Variants in FMO2 observed in about 807,000 individuals in gnomAD.
FMO2 encodes the protein flavin containing dimethylaniline monoxygenase 2, also known as flavin-containing monooxygenase 2.
A neutral mutation model predicts 41.6 loss-of-function variants in FMO2; 33 were observed. The ratio of observed to expected loss-of-function variants is 0.79; its 90% CI spans 0.60 to 1.06. The LOEUF (loss-of-function observed/expected upper bound fraction) is 1.06, where lower values mean the gene tolerates loss of function less well. Among genes scored for constraint, FMO2 ranks in the 50% least tolerant of loss-of-function variants. FMO2 has a pLI of 0.00. For synonymous variants in FMO2, 214 were observed against 219.6 expected, an observed-to-expected ratio of 0.97 and a Z score of 0.23; for missense variants, 619 against 632.9, an observed-to-expected ratio of 0.98 and a Z score of 0.23.
At chr1:171,207,589 C>T (rs1658813889) in intron 7 of FMO2, 129 bp from the exon 8 acceptor site, 1 of 695,402 alleles carries the variant, frequency 1.4e-6, no homozygotes, top group East Asian at 2.5e-5. Flanking sequence ...CCCTGAAGTT[C>T]AACAGCACGG....
chr1:171,204,719 A>C (rs954833574), intron 6 of FMO2, among the ~76,000 whole-genome samples: 4 of 152,172 alleles, frequency 2.6e-5, no homozygotes, highest in African/African-American at 9.7e-5. Context: ...TCTCAAATCT[A>C]CAAAAAAAAT....
Position 171,209,517 on chromosome 1 carries a change from G to C in FMO2, c.*372G>C, listed in dbSNP as rs188310906. 6.2e-6 allele frequency: 1 copy of C among 162,402 alleles called. No individual in the cohort carries two copies. Among genetic ancestry groups the C allele is most frequent in the Non-Finnish European group, 1.3e-5 (1 of 75,256 alleles). The allele number at this position is 162,402 out of a possible 1,614,324, so 10.1% of individuals were successfully genotyped here. A position where few individuals can be genotyped will look rare whatever the true frequency, so the allele number is the denominator to read the frequency against. The stretch of plus-strand genomic sequence containing the variant: ...AAATTATTGGACAATTTAAATTGTG[G>C]GTAAATATTTAAAACTCCTGAACAA... On this transcript the variant is annotated 3_prime_UTR_variant, in exon 9 of 9. Transcript: ENST00000209929.
At chr1:171,198,383 G>A (rs1372677056) in intron 4 of FMO2, among the ~76,000 whole-genome samples, 1 of 151,368 alleles carries the variant, frequency 6.6e-6, no homozygotes, top group Non-Finnish European at 1.5e-5. Flanking sequence ...ATGTGCTTAA[G>A]AAATATTTAA....
chr1:171,203,257 C>T (rs1028609639), intron 5 of FMO2, among the ~76,000 whole-genome samples: 1 of 150,968 alleles, frequency 6.6e-6, no homozygotes, highest in African/African-American at 2.4e-5. Flanking sequence ...CCTGGGAGGT[C>T]GAGACTGCAA....
chr1:171,204,103 T>C lies in FMO2; in HGVS notation c.827+39T>C, dbSNP rs7517460. On this transcript the variant is annotated intron_variant, in intron 6 of 8. Coordinates refer to ENST00000209929, the MANE Select transcript of FMO2 (RefSeq NM_001460.5). ...GCTTTTTTAATGGTATACTCGTTGG[T>C]GAGCAAAGTTGTCTGAAGGTGTCTC... 8.3e-3 allele frequency: 12,195 copies of C among 1,477,762 alleles called. 633 individuals are homozygous for C. The African/African-American group carries it at 0.12, about 15-fold the overall frequency. 91.5% of individuals were successfully genotyped at this position (1,477,762 alleles called of 1,614,324 possible). A position where few individuals can be genotyped will look rare whatever the true frequency, so the allele number is the denominator to read the frequency against.
chr1:171,186,580 C>T (rs1657858729), intron 2 of FMO2, among the ~76,000 whole-genome samples: 1 of 152,126 alleles, frequency 6.6e-6, no homozygotes, highest in South Asian at 2.1e-4. Flanking sequence ...CATTAGAACG[C>T]ACTCACTATC....
In FMO2 at chr1:171,208,962, G is replaced by C. The variant is rs1330076958; in HGVS notation, c.1425G>C (p.Leu475=). The change falls in exon 9 of 9, where the codon CTG becomes CTC. Residue 475 remains leucine (L), a synonymous_variant. Transcript: ENST00000209929. ...FGPCNSYQYR[L]VGPGQWEGAR... is the part of the protein sequence containing the mutation. ...CCTGCAACTCCTATCAGTATCGCCT[G>C]GTTGGGCCTGGGCAATGGGAAGGAG... 6.2e-7 allele frequency: 1 copy of C among 1,611,948 alleles called. No homozygotes were observed. Among genetic ancestry groups the C allele is most frequent in the Non-Finnish European group, 8.5e-7 (1 of 1,178,962 alleles).
At chr1:171,192,153 A>G (rs28369838) in intron 2 of FMO2, among the ~76,000 whole-genome samples, 59,217 of 152,036 alleles carry the variant, frequency 0.39, 12,192 homozygotes, top group East Asian at 0.55. Flanking sequence ...ATTACATTCA[A>G]TCATGCTGAA....
chr1:171,209,594 T>C lies in FMO2; in HGVS notation c.*449T>C, dbSNP rs1212616604. 6.6e-6 allele frequency: 1 copy of C among 152,666 alleles called. No individual in the cohort carries two copies. The highest frequency in any genetic ancestry group is 1.5e-5 in the Non-Finnish European group (1 of 68,420). 9.5% of individuals were successfully genotyped at this position (152,666 alleles called of 1,614,324 possible). Reference sequence around the variant, plus strand: ...TACTTGGTAACAAAGTTCTCAGATGTTAGGTCATGTTTCATTTGCTCAGTC... The same window carrying C: ...TACTTGGTAACAAAGTTCTCAGATGCTAGGTCATGTTTCATTTGCTCAGTC... On this transcript the variant is annotated 3_prime_UTR_variant, in exon 9 of 9. Transcript: ENST00000209929.
At chr1:171,207,643 T>C in intron 7 of FMO2, 75 bp from the exon 8 acceptor site, 1 of 1,056,044 alleles carries the variant, frequency 9.5e-7, no homozygotes, top group Non-Finnish European at 1.4e-6. Context: ...AGAGTTTAAT[T>C]TTAAGAATCA....
Position 171,211,933 on chromosome 1 carries a change from C to G in FMO2, c.*2788C>G, listed in dbSNP as rs16864199. The stretch of plus-strand genomic sequence containing the variant: ...TCCTGTGTACATTAAATCTAGAAAC[C>G]ATTAGTTTGAGATCTCTCAAAAATA... On this transcript the variant is annotated 3_prime_UTR_variant, in exon 9 of 9. Transcript: ENST00000209929. Among the ~76,000 whole-genome samples, 1 of 152,084 alleles carries G rather than the reference C, an allele frequency of 6.6e-6. No individual in the cohort carries two copies. Among genetic ancestry groups the G allele is most frequent in the Non-Finnish European group, 1.5e-5 (1 of 68,026 alleles).
At position 171,207,770 on chromosome 1, in the gene FMO2, G is replaced by C. The variant is rs776321387; in HGVS notation, c.1236G>C (p.Arg412Ser). Residue 412 changes from arginine to serine, a missense_variant, in exon 8 of 9, where the codon AGG (arginine) becomes AGC (serine). Physicochemically the swap from Arg to Ser is moderately radical, Grantham distance 110 (BLOSUM62 -1). Transcript: ENST00000209929. ...CTATGATGATGGACATTATCAAAAG[G>C]AATGAAAAAAGAATTGACCTGTAAG... is the stretch of plus-strand genomic sequence containing the variant. ...ERTMMMDIIK[R>S]NEKRIDLFGE... is the part of the protein sequence containing the mutation. The C allele has an allele frequency of 6.2e-7, 1 of 1,605,656 alleles. No homozygotes were observed.
rs1359930311 is a variant in FMO2 at position 171,211,711 on chromosome 1, A to T, written c.*2566A>T. ...TCAGTCTATCCTTCTGCCTCCATAT[A>T]TCCTGAACATCAAACTATCCCAGGA... On this transcript the variant is annotated 3_prime_UTR_variant, in exon 9 of 9. Transcript: ENST00000209929. Among the ~76,000 whole-genome samples, 1 of 152,192 alleles carries T rather than the reference A, an allele frequency of 6.6e-6. No homozygotes were observed. The highest frequency in any genetic ancestry group is 1.5e-5 in the Non-Finnish European group (1 of 68,024).
intron 1 of FMO2, 94 bp from the exon 2 acceptor site, chr1:171,185,614 T>C (rs1657809182): frequency 4.0e-6 from 5 of 1,256,198 alleles, no homozygotes; most frequent in Non-Finnish European, 5.7e-6. Context: ...TTACCACTGC[T>C]ACAATGTTTA....
Position 171,209,030 on chromosome 1 carries a change from C to A in FMO2, c.1493C>A (p.Pro498Gln). ...IFTQKQRILKPLKTRALKDSS... is the reference protein window; with the variant it reads ...IFTQKQRILKQLKTRALKDSS... Reference sequence around the variant, plus strand: ...ACCCAGAAACAAAGAATACTGAAGCCACTCAAGACTCGGGCCCTGAAGGAT... The same window carrying A: ...ACCCAGAAACAAAGAATACTGAAGCAACTCAAGACTCGGGCCCTGAAGGAT... Residue 498 changes from proline (P) to glutamine (Q), a missense_variant, in exon 9 of 9, where the codon CCA (proline) becomes CAA (glutamine). Coordinates refer to ENST00000209929, the MANE Select transcript of FMO2 (RefSeq NM_001460.5). 2 of 1,368,210 alleles carry A rather than the reference C, an allele frequency of 1.5e-6. No individual in the cohort carries two copies. Among genetic ancestry groups the A allele is most frequent in the East Asian group, 2.3e-5 (1 of 43,178 alleles). The allele number at this position is 1,368,210 out of a possible 1,614,324, so 84.8% of individuals were successfully genotyped here.
At chr1:171,198,980 G>C (rs966512203) in intron 4 of FMO2, among the ~76,000 whole-genome samples, 19 of 152,204 alleles carry the variant, frequency 1.2e-4, no homozygotes, top group African/African-American at 4.3e-4. Context: ...AGGGGTCACT[G>C]CATTCTTTAC....
In FMO2 at chr1:171,209,424, A is replaced by G. The variant is rs1658895000; in HGVS notation, c.*279A>G. On this transcript the variant is annotated 3_prime_UTR_variant, in exon 9 of 9. Coordinates refer to ENST00000209929, the MANE Select transcript of FMO2 (RefSeq NM_001460.5). ...CTGGCTCAGGTAAGTAGTGCTGCCA[A>G]CCCTGATATAGGGGAGTTGTATGGA... 2 of 285,612 alleles carry G rather than the reference A, an allele frequency of 7.0e-6. No homozygotes were observed. The highest frequency in any genetic ancestry group is 1.3e-5 in the Non-Finnish European group (2 of 156,546). 17.7% of individuals were successfully genotyped at this position (285,612 alleles called of 1,614,324 possible). A position where few individuals can be genotyped will look rare whatever the true frequency, so the allele number is the denominator to read the frequency against.
chr1:171,198,763 T>A (rs1371945461), intron 4 of FMO2, among the ~76,000 whole-genome samples: 2 of 152,014 alleles, frequency 1.3e-5, no homozygotes, highest in Non-Finnish European at 2.9e-5. Context: ...AAATAGTATA[T>A]AATAGGCAGG....
chr1:171,202,884 G>A (rs1238189412), intron 5 of FMO2, among the ~76,000 whole-genome samples: 1 of 152,064 alleles, frequency 6.6e-6, no homozygotes, highest in Non-Finnish European at 1.5e-5. Flanking sequence ...GGCCAATGGG[G>A]GAGTAACAGC....
Sources: gnomAD v4.1 joint callset for allele counts (sites outside exome capture counted in the v4.1 genomes callset) on GRCh38, gnomAD v4.1.1 for gene constraint, MANE v1.5 for transcripts, NCBI Gene and HGNC (gene_info 2026-07-23, HGNC 2026-07-21) for gene names.